The following TGFB2 variants were observed in gnomAD, a reference collection of about 807,000 sequenced individuals.
TGFB2 encodes transforming growth factor beta-2 proprotein.
A neutral mutation model predicts 42.7 loss-of-function variants in TGFB2; 13 were observed. That is an observed-to-expected ratio of 0.30 (90% CI 0.20 to 0.48). The LOEUF (loss-of-function observed/expected upper bound fraction) is 0.48. Among genes scored for constraint, TGFB2 ranks in the 20% least tolerant of loss-of-function variants. TGFB2 has a pLI of 0.99. For missense variants in TGFB2, 390 were observed against 517.5 expected, an observed-to-expected ratio of 0.75 and a Z score of 2.39; for synonymous variants, 193 against 193.6, an observed-to-expected ratio of 1.00 and a Z score of 0.03.
chr1:218,405,496 A>T, intron 2 of TGFB2, 164 bp downstream of exon 2: 1 of 1,212,480 alleles, frequency 8.2e-7, no homozygotes, highest in Non-Finnish European at 1.2e-6. Context: ...TCCCTAGTCA[A>T]TGGGACTGCA....
intron 4 of TGFB2, among the ~76,000 whole-genome samples, 159 bp from the exon 5 acceptor site, chr1:218,435,811 G>T (rs888088965): frequency 6.6e-6 from 1 of 152,168 alleles, no homozygotes; most frequent in Non-Finnish European, 1.5e-5. Context: ...TAGTCCTGTT[G>T]TGCCATATCT....
chr1:218,426,064 C>A (rs1180046267), intron 2 of TGFB2, among the ~76,000 whole-genome samples: 1 of 152,138 alleles, frequency 6.6e-6, no homozygotes, highest in African/African-American at 2.4e-5. Context: ...ACATTAAATG[C>A]ATTTAAAAAC....
At chr1:218,363,608 C>G (rs998617628) in intron 1 of TGFB2, among the ~76,000 whole-genome samples, 2 of 152,054 alleles carry the variant, frequency 1.3e-5, no homozygotes, top group African/African-American at 4.8e-5. Flanking sequence ...TGATGAATAG[C>G]TTTGAAGTAA....
intron 1 of TGFB2, among the ~76,000 whole-genome samples, chr1:218,383,282 A>G (rs1045923523): frequency 6.6e-6 from 1 of 152,032 alleles, no homozygotes; most frequent in Non-Finnish European, 1.5e-5. Flanking sequence ...AGAATCTGAA[A>G]CCTCTGTTTT....
chr1:218,402,557 C>T (rs1327676871), intron 1 of TGFB2, among the ~76,000 whole-genome samples: 2 of 151,920 alleles, frequency 1.3e-5, no homozygotes, highest in African/African-American at 4.8e-5. Flanking sequence ...AAAAATGGTC[C>T]AAAGTTTAAT....
Position 218,434,032 on chromosome 1 carries a change from G to T in TGFB2, c.511-50G>T, listed in dbSNP as rs766565223. ...CTGTTAATAGTTTTGGTTTAGTCATGCTGTCAGAATGCCAACTCAGCCTTT... is the reference window on the plus strand; with the variant it reads ...CTGTTAATAGTTTTGGTTTAGTCATTCTGTCAGAATGCCAACTCAGCCTTT... On this transcript the variant is annotated intron_variant, in intron 2 of 6. Coordinates refer to ENST00000366930, the MANE Select transcript of TGFB2 (RefSeq NM_003238.6). 3.7e-6 allele frequency: 6 copies of T among 1,606,596 alleles called. No individual in the cohort carries two copies. In the East Asian group the frequency reaches 8.9e-5, roughly 24 times the overall value.
intron 1 of TGFB2, among the ~76,000 whole-genome samples, chr1:218,379,106 A>G (rs1393171164): frequency 6.7e-6 from 1 of 149,626 alleles, no homozygotes; most frequent in African/African-American, 2.5e-5. Context: ...CCGAGAACAC[A>G]TGGTACATTT....
At chr1:218,386,776 AC>A (rs1177148520) in intron 1 of TGFB2, among the ~76,000 whole-genome samples, 2 of 152,212 alleles carry the variant, frequency 1.3e-5, no homozygotes, top group South Asian at 4.1e-4. Flanking sequence ...AAGTAGGTGC[AC>A]CCTTTCCTCT....
rs992485773 is a variant in TGFB2, at chr1:218,347,000, C to G, written c.299C>G (p.Ala100Gly). The change falls in exon 1 of 7, where the codon GCC (alanine) becomes GGC (glycine). Residue 100 changes from alanine to glycine, a missense_variant. Ala to Gly is a moderately conservative substitution (Grantham distance 60). Transcript: ENST00000366930. The surrounding 1 kb of genome is among the most constrained non-coding windows in gnomAD (Gnocchi z 4.9). ...ERERSDEEYY[A>G]KEVYKIDMPP... ...GAGAGGAGCGACGAAGAGTACTACG[C>G]CAAGGAGGTTTACAAAATAGACATG... 12 of 1,610,776 alleles carry G rather than the reference C, an allele frequency of 7.4e-6. No homozygotes were observed. The highest frequency in any genetic ancestry group is 1.0e-5 in the Non-Finnish European group (12 of 1,178,428).
intron 1 of TGFB2, among the ~76,000 whole-genome samples, chr1:218,373,241 C>T (rs867786923): frequency 5.9e-5 from 9 of 152,214 alleles, no homozygotes; most frequent in Middle Eastern, 3.4e-3. Context: ...ATTTTGGAGG[C>T]TTACAAAGCT....
At chr1:218,351,164 A>G (rs1656856148) in intron 1 of TGFB2, among the ~76,000 whole-genome samples, 1 of 152,224 alleles carries the variant, frequency 6.6e-6, no homozygotes, top group African/African-American at 2.4e-5. Context: ...ATGTCTTTCT[A>G]TATACAAGTT....
chr1:218,412,925 T>C (rs902209437), intron 2 of TGFB2, among the ~76,000 whole-genome samples: 16 of 152,208 alleles, frequency 1.1e-4, no homozygotes, highest in African/African-American at 3.4e-4. Context: ...TCTTACAATA[T>C]CAGGAGAAAA....
intron 1 of TGFB2, among the ~76,000 whole-genome samples, chr1:218,373,697 T>G (rs948946656): frequency 2.0e-5 from 3 of 152,138 alleles, no homozygotes; most frequent in Non-Finnish European, 2.9e-5. Context: ...TCCTCCAAGA[T>G]GATTAATTTC....
intron 2 of TGFB2, among the ~76,000 whole-genome samples, chr1:218,423,840 A>G (rs560916598): frequency 1.8e-4 from 28 of 152,340 alleles, no homozygotes; most frequent in African/African-American, 6.5e-4. Context: ...CTACTCCGTG[A>G]CACTTAATTT....
At chr1:218,370,962 T>C (rs1457552918) in intron 1 of TGFB2, among the ~76,000 whole-genome samples, 2 of 152,008 alleles carry the variant, frequency 1.3e-5, no homozygotes, top group African/African-American at 4.8e-5. Flanking sequence ...TACCACAGTG[T>C]AGGTGGAGGA....
chr1:218,421,230 C>T (rs1366247734), intron 2 of TGFB2, among the ~76,000 whole-genome samples: 1 of 152,114 alleles, frequency 6.6e-6, no homozygotes, highest in African/African-American at 2.4e-5. Context: ...TTCTCTCCCT[C>T]ATTTCATTTT....
At chr1:218,393,825 C>A (rs192535863) in intron 1 of TGFB2, among the ~76,000 whole-genome samples, 25 of 152,138 alleles carry the variant, frequency 1.6e-4, no homozygotes, top group African/African-American at 5.8e-4. Flanking sequence ...ATCACATTCA[C>A]GGTTTACCTG....
At chr1:218,418,191 G>T (rs1029458009) in intron 2 of TGFB2, among the ~76,000 whole-genome samples, 2 of 152,220 alleles carry the variant, frequency 1.3e-5, no homozygotes, top group Non-Finnish European at 2.9e-5. Flanking sequence ...GCAGCCAAGA[G>T]GGGGGCTATA....
At chr1:218,398,017 G>T (rs903712667) in intron 1 of TGFB2, among the ~76,000 whole-genome samples, 1 of 152,206 alleles carries the variant, frequency 6.6e-6, no homozygotes, top group Admixed American at 6.5e-5. Flanking sequence ...GACAATTGTG[G>T]TCAGTGCTGA....
Sources: gnomAD v4.1 joint callset for allele counts (sites outside exome capture counted in the v4.1 genomes callset) on GRCh38, gnomAD v4.1.1 for gene constraint, Gnocchi (gnomAD v3.1) non-coding constraint, MANE v1.5 for transcripts, NCBI Gene and HGNC (gene_info 2026-07-23, HGNC 2026-07-21) for gene names.